EPHA4: variants seen among roughly 807,000 people sequenced by gnomAD.
EPHA4 encodes the protein EPH receptor A4, also known as ephrin type-A receptor 4.
In EPHA4, 19 loss-of-function variants were observed where a neutral mutation model predicts 108.3. The observed-to-expected ratio is 0.18, with a 90% CI of 0.12 to 0.26. The LOEUF (loss-of-function observed/expected upper bound fraction) is 0.26, where lower values mean the gene tolerates loss of function less well. Ranked by LOEUF, EPHA4 falls within the 10% of genes least tolerant of loss-of-function variation. The pLI is 1.00. For missense variants in EPHA4, 917 were observed against 1,254.0 expected (o/e 0.73, Z 4.06); for synonymous variants, 449 against 455.5 (o/e 0.99, Z 0.18).
Position 221,443,772 on chromosome 2 carries a change from A to T in EPHA4, c.1775-166T>A, listed in dbSNP as rs569188825. ...TGCTCTGGTTTTCATTAGTGGGTAAACAAAATATTGTTAGCTACTTAAGAG... is the reference window on the plus strand; with the variant it reads ...TGCTCTGGTTTTCATTAGTGGGTAATCAAAATATTGTTAGCTACTTAAGAG... On this transcript the variant is annotated intron_variant, in intron 9 of 17. Transcript: ENST00000281821. 7.9e-5 allele frequency among the ~76,000 whole-genome samples: 12 copies of T among 152,360 alleles called. No individual in the cohort carries two copies. The East Asian group carries it at 2.3e-3, about 29-fold the overall frequency.
At chr2:221,551,578 T>C (rs1694162523) in intron 3 of EPHA4, among the ~76,000 whole-genome samples, 1 of 152,128 alleles carries the variant, frequency 6.6e-6, no homozygotes, top group African/African-American at 2.4e-5. Context: ...TCTTGTCATA[T>C]TCAGTAACCA....
intron 2 of EPHA4, among the ~76,000 whole-genome samples, chr2:221,564,869 C>A (rs1174635116): frequency 1.7e-5 from 2 of 117,478 alleles, no homozygotes; most frequent in Non-Finnish European, 3.3e-5. Context: ...CCTGTCAGAA[C>A]TTTGCTCTCT....
chr2:221,561,766 A>G (rs1050228781), intron 3 of EPHA4, among the ~76,000 whole-genome samples: 1 of 152,234 alleles, frequency 6.6e-6, no homozygotes, highest in African/African-American at 2.4e-5. Context: ...GTAGCAATGT[A>G]TGAGTTACTA....
chr2:221,458,191 A>G (rs907048906), intron 5 of EPHA4, among the ~76,000 whole-genome samples: 8 of 152,226 alleles, frequency 5.3e-5, no homozygotes, highest in African/African-American at 1.9e-4. Flanking sequence ...TTTGTCTTAA[A>G]AAGAGAATCT....
At chr2:221,447,334 C>A (rs920966346) in intron 8 of EPHA4, among the ~76,000 whole-genome samples, 3 of 152,188 alleles carry the variant, frequency 2.0e-5, no homozygotes, top group African/African-American at 7.2e-5. Flanking sequence ...AAAATTCCCG[C>A]AAAGCCAGGT....
intron 3 of EPHA4, among the ~76,000 whole-genome samples, chr2:221,552,616 G>A (rs1350518167): frequency 1.3e-5 from 2 of 152,186 alleles, no homozygotes; most frequent in Non-Finnish European, 2.9e-5. Flanking sequence ...GCCAGGCTGG[G>A]CACTTCAAAA....
chr2:221,483,493 T>G (rs1691891506), intron 4 of EPHA4, among the ~76,000 whole-genome samples: 1 of 145,286 alleles, frequency 6.9e-6, no homozygotes, highest in African/African-American at 2.5e-5. Context: ...TGTTTCTTGA[T>G]GTAGATTTGT....
intron 2 of EPHA4, among the ~76,000 whole-genome samples, chr2:221,565,441 A>G (rs1005369017): frequency 3.9e-5 from 6 of 152,226 alleles, no homozygotes; most frequent in Non-Finnish European, 8.8e-5. Context: ...CAGATCTGTT[A>G]TAAATCAGCT....
intron 3 of EPHA4, among the ~76,000 whole-genome samples, chr2:221,511,475 G>A (rs1692827396): frequency 6.7e-6 from 1 of 149,996 alleles, no homozygotes; most frequent in Admixed American, 6.6e-5. Context: ...CCTCACTTCC[G>A]ATTTCTGTAC....
At chr2:221,555,703 T>A (rs1694284473) in intron 3 of EPHA4, among the ~76,000 whole-genome samples, 1 of 152,164 alleles carries the variant, frequency 6.6e-6, no homozygotes, top group South Asian at 2.1e-4. Context: ...AGATACAGTC[T>A]CTCGGGGTAC....
chr2:221,544,646 G>A (rs1693934631), intron 3 of EPHA4, among the ~76,000 whole-genome samples: 1 of 151,952 alleles, frequency 6.6e-6, no homozygotes, highest in Non-Finnish European at 1.5e-5. Flanking sequence ...AACCTTTTAT[G>A]AAAAAAGAAG....
intron 3 of EPHA4, among the ~76,000 whole-genome samples, chr2:221,526,772 G>A (rs181530521): frequency 6.1e-5 from 9 of 147,322 alleles, no homozygotes; most frequent in Admixed American, 5.6e-4. Flanking sequence ...GCTCGAACCC[G>A]GGAGGCAGAG....
intron 3 of EPHA4, among the ~76,000 whole-genome samples, chr2:221,539,892 T>C (rs767242778): frequency 1.1e-4 from 16 of 152,102 alleles, no homozygotes; most frequent in Non-Finnish European, 1.8e-4. Context: ...TTGGCACTTG[T>C]GCATCTTTAC....
chr2:221,523,067 GA>G (rs1202101775), intron 3 of EPHA4, among the ~76,000 whole-genome samples: 11 of 150,798 alleles, frequency 7.3e-5, no homozygotes, highest in Non-Finnish European at 1.3e-4. Context: ...CCAGCCAAAA[GA>G]TTTTTTTAAA....
intron 3 of EPHA4, among the ~76,000 whole-genome samples, chr2:221,563,332 G>A (rs891829613): frequency 4.6e-5 from 7 of 152,164 alleles, no homozygotes; most frequent in Admixed American, 2.0e-4. Flanking sequence ...TGCAGAAGAC[G>A]GGAGATATTT....
chr2:221,482,856 A>G (rs929799513), intron 4 of EPHA4, among the ~76,000 whole-genome samples, 166 bp from the exon 5 acceptor site: 3 of 152,228 alleles, frequency 2.0e-5, no homozygotes, highest in Admixed American at 6.5e-5. Context: ...AAAGAACAAT[A>G]TAATAGAAGG....
rs146040664 is a variant in EPHA4, at chr2:221,553,258, T to G, written c.823+10473A>C. On this transcript the variant is annotated intron_variant, in intron 3 of 17. Coordinates refer to ENST00000281821, the MANE Select transcript of EPHA4 (RefSeq NM_004438.5). Reference sequence around the variant, plus strand: ...TGCTTGTAGTTTTCAGCTCAGGTATTTCTGGGGATAGTTAGTTGCGAACGG... The same window carrying G: ...TGCTTGTAGTTTTCAGCTCAGGTATGTCTGGGGATAGTTAGTTGCGAACGG... Among the ~76,000 whole-genome samples the G allele has an allele frequency of 3.1e-3, 476 of 152,358 alleles. 1 individual carries two copies. Among genetic ancestry groups the G allele is most frequent in the South Asian group, 7.9e-3 (38 of 4,826 alleles).
intron 5 of EPHA4, among the ~76,000 whole-genome samples, chr2:221,470,273 G>A (rs1691439000): frequency 6.6e-6 from 1 of 150,938 alleles, no homozygotes; most frequent in Non-Finnish European, 1.5e-5. Context: ...GAGAAGTGAT[G>A]ATCACGGACA....
intron 3 of EPHA4, among the ~76,000 whole-genome samples, chr2:221,522,606 A>G (rs1325761417): frequency 6.6e-6 from 1 of 152,206 alleles, no homozygotes; most frequent in Non-Finnish European, 1.5e-5. Flanking sequence ...TGTGTTTCAA[A>G]CAAGGTTTCC....
Sources: gnomAD v4.1 joint callset for allele counts (sites outside exome capture counted in the v4.1 genomes callset) on GRCh38, gnomAD v4.1.1 for gene constraint, MANE v1.5 for transcripts, NCBI Gene and HGNC (gene_info 2026-07-23, HGNC 2026-07-21) for gene names.